Variants in CCDC102B observed in about 807,000 individuals in gnomAD.
CCDC102B encodes coiled-coil domain containing 102B, also known as coiled-coil domain-containing protein 102B.
CCDC102B carries 75 observed loss-of-function variants against 57.4 expected under a neutral mutation model. The observed-to-expected ratio is 1.31, with a 90% CI of 1.08 to 1.58. The LOEUF (loss-of-function observed/expected upper bound fraction) is 1.58. Ranked by LOEUF, CCDC102B falls within the 40% of genes most tolerant of loss-of-function variation. The pLI is 0.00. For missense variants in CCDC102B, 636 were observed against 582.6 expected, an observed-to-expected ratio of 1.09 and a Z score of -0.94; for synonymous variants, 206 against 201.9, an observed-to-expected ratio of 1.02 and a Z score of -0.17.
At chr18:68,875,144 T>C (rs915941691) in intron 5 of CCDC102B, among the ~76,000 whole-genome samples, 2 of 152,186 alleles carry the variant, frequency 1.3e-5, no homozygotes, top group African/African-American at 4.8e-5. Flanking sequence ...ATGCAATTTC[T>C]GGTGGAATTA....
chr18:68,839,741 G>T (rs2037544859), intron 3 of CCDC102B, among the ~76,000 whole-genome samples: 1 of 152,088 alleles, frequency 6.6e-6, no homozygotes, highest in Non-Finnish European at 1.5e-5. Context: ...GCTATTTAAG[G>T]GGGTGCTTGG....
At chr18:68,906,342 T>A (rs951238706) in intron 6 of CCDC102B, among the ~76,000 whole-genome samples, 1 of 152,208 alleles carries the variant, frequency 6.6e-6, no homozygotes, top group African/African-American at 2.4e-5. Context: ...TATATCTAGG[T>A]GTAGAGTTGC....
chr18:68,827,010 G>C (rs766361560), intron 1 of CCDC102B, among the ~76,000 whole-genome samples: 1 of 151,752 alleles, frequency 6.6e-6, no homozygotes, highest in African/African-American at 2.4e-5. Flanking sequence ...AGCCACAAAG[G>C]CTACAAGGAG....
chr18:68,991,993 G>T (rs2050880399), intron 6 of CCDC102B, among the ~76,000 whole-genome samples: 1 of 151,954 alleles, frequency 6.6e-6, no homozygotes, highest in Non-Finnish European at 1.5e-5. Context: ...TGGCTTATTA[G>T]GCTTTATAAT....
At chr18:68,784,954 T>A (rs577313695) in intron 2 of CCDC102B, among the ~76,000 whole-genome samples, 1 of 151,064 alleles carries the variant, frequency 6.6e-6, no homozygotes, top group South Asian at 2.1e-4. Context: ...ATTAGGTATA[T>A]CTCCCAATGC....
chr18:68,788,933 T>C (rs2035319853), intron 2 of CCDC102B, among the ~76,000 whole-genome samples: 1 of 152,256 alleles, frequency 6.6e-6, no homozygotes, highest in Non-Finnish European at 1.5e-5. Flanking sequence ...CTGGATGGTC[T>C]TTACATTTTG....
intron 5 of CCDC102B, among the ~76,000 whole-genome samples, chr18:68,894,754 A>T (rs2040187071): frequency 1.3e-5 from 2 of 151,794 alleles, no homozygotes; most frequent in Admixed American, 6.6e-5. Context: ...GTATGTTTTG[A>T]TAAATCTGCC....
At chr18:68,767,847 G>C (rs371636789) in intron 2 of CCDC102B, among the ~76,000 whole-genome samples, 81 of 152,176 alleles carry the variant, frequency 5.3e-4, no homozygotes, top group Non-Finnish European at 9.3e-4. Flanking sequence ...ATATGTGCAA[G>C]TGTTTTTCAA....
At chr18:68,997,425 G>A (rs911448323) in intron 6 of CCDC102B, among the ~76,000 whole-genome samples, 5 of 151,924 alleles carry the variant, frequency 3.3e-5, no homozygotes, top group African/African-American at 9.7e-5. Context: ...TTTATTTATC[G>A]GTAAGCATGT....
chr18:69,006,354 C>T (rs1019897097), intron 6 of CCDC102B, among the ~76,000 whole-genome samples: 15 of 151,624 alleles, frequency 9.9e-5, no homozygotes, highest in African/African-American at 1.5e-4. Context: ...CACAAATTAA[C>T]AGAAATGAAT....
intron 2 of CCDC102B, among the ~76,000 whole-genome samples, chr18:68,749,969 A>G (rs1431512426): frequency 6.6e-6 from 1 of 152,234 alleles, no homozygotes; most frequent in Non-Finnish European, 1.5e-5. Flanking sequence ...ACAGCAAAAG[A>G]AACTACCATC....
At chr18:68,977,652 T>G (rs1207124094) in intron 6 of CCDC102B, among the ~76,000 whole-genome samples, 1 of 151,976 alleles carries the variant, frequency 6.6e-6, no homozygotes, top group Non-Finnish European at 1.5e-5. Context: ...ATGATAATGA[T>G]GATGATGATG....
rs1274204373 is a variant in CCDC102B, at chr18:68,836,707, GGGA to G, written c.-15-41_-15-39del. On this transcript the variant is annotated intron_variant, in intron 1 of 7. Transcript: ENST00000360242. ...GTAGGTCTTGTTCCTGTATTTACAA[GGGA>G]AATTTCAGCGTGAAATTATGGTCTC... 9.0e-6 allele frequency: 13 copies of G among 1,441,290 alleles called. No individual in the cohort carries two copies. In the African/African-American group the frequency reaches 1.9e-4, roughly 21 times the overall value. The allele number at this position is 1,441,290 out of a possible 1,614,324, so 89.3% of individuals were successfully genotyped here.
At chr18:68,882,179 A>G (rs762565765) in intron 5 of CCDC102B, among the ~76,000 whole-genome samples, 10 of 152,204 alleles carry the variant, frequency 6.6e-5, no homozygotes, top group Non-Finnish European at 1.2e-4. Flanking sequence ...AAATAAAAAT[A>G]TAAATAAATA....
intron 2 of CCDC102B, among the ~76,000 whole-genome samples, chr18:68,722,528 C>T (rs968758154): frequency 1.3e-5 from 2 of 152,160 alleles, no homozygotes; most frequent in Non-Finnish European, 2.9e-5. Context: ...TCCCAACTTC[C>T]TCCTACCAGA....
chr18:68,731,784 C>G (rs559484762), intron 2 of CCDC102B, among the ~76,000 whole-genome samples: 22 of 149,118 alleles, frequency 1.5e-4, no homozygotes, highest in African/African-American at 5.4e-4. Context: ...TCATTTGGAG[C>G]AAAACTCTTC....
At chr18:68,800,248 C>T (rs75485216) in intron 1 of CCDC102B, among the ~76,000 whole-genome samples, 2,516 of 152,152 alleles carry the variant, frequency 0.017, 32 homozygotes, top group Non-Finnish European at 0.026. Context: ...GCTATTTCCA[C>T]GATGTTGTGC....
Position 68,877,960 on chromosome 18 carries a change from G to A in CCDC102B, c.1053+3175G>A, listed in dbSNP as rs559957958. On this transcript the variant is annotated intron_variant, in intron 5 of 7. Coordinates refer to ENST00000360242, the MANE Select transcript of CCDC102B (RefSeq NM_024781.3). ...AATTGAATGAATGAGGGAAGGATAA[G>A]GACAAAGCACATATCAAAAAAGAGA... Among the ~76,000 whole-genome samples the A allele has an allele frequency of 2.5e-3, 383 of 152,018 alleles. 1 individual carries two copies. Among genetic ancestry groups the A allele is most frequent in the Admixed American group, 3.7e-3 (57 of 15,278 alleles).
At chr18:68,819,362 A>C (rs1461628701) in intron 1 of CCDC102B, among the ~76,000 whole-genome samples, 1 of 152,036 alleles carries the variant, frequency 6.6e-6, no homozygotes, top group Non-Finnish European at 1.5e-5. Flanking sequence ...AATTTCACAT[A>C]CTGAAGTGTC....
Sources: allele counts gnomAD v4.1 joint callset (sites outside exome capture counted in the v4.1 genomes callset), GRCh38; gene constraint gnomAD v4.1.1; transcripts MANE v1.5; gene names NCBI Gene and HGNC (gene_info 2026-07-23, HGNC 2026-07-21).